Variants in LSAMP observed in about 807,000 individuals in gnomAD.
LSAMP encodes the protein limbic system associated membrane protein.
Under a neutral mutation model 38.6 loss-of-function variants are expected in LSAMP, and 7 were observed. The ratio of observed to expected loss-of-function variants is 0.18; its 90% CI spans 0.10 to 0.34. LSAMP has a LOEUF of 0.34. LSAMP is among the 10% of genes least tolerant of loss of function. The pLI is 1.00. For synonymous variants in LSAMP, 154 were observed against 166.8 expected (o/e 0.92, Z 0.59); for missense variants, 313 against 420.0 (o/e 0.75, Z 2.23).
chr3:116,396,615 T>A (rs976267298), intron 1 of LSAMP, among the ~76,000 whole-genome samples: 1 of 152,238 alleles, frequency 6.6e-6, no homozygotes, highest in Admixed American at 6.5e-5. Context: ...AGATGGTATT[T>A]TAGAGCTACT....
chr3:115,827,336 CTTTTTT>C (rs10712971), intron 6 of LSAMP, among the ~76,000 whole-genome samples: 3 of 136,856 alleles, frequency 2.2e-5, no homozygotes, highest in Non-Finnish European at 3.2e-5. Flanking sequence ...TTTTCTACTG[CTTTTTT>C]TTTTTTTTTT....
chr3:115,984,966 C>G (rs1939467531), intron 3 of LSAMP, among the ~76,000 whole-genome samples: 1 of 152,094 alleles, frequency 6.6e-6, no homozygotes, highest in African/African-American at 2.4e-5. Context: ...GTATGGGGAA[C>G]AGCTGGAAAT....
At chr3:116,095,766 G>C (rs540115844) in intron 1 of LSAMP, among the ~76,000 whole-genome samples, 1 of 152,316 alleles carries the variant, frequency 6.6e-6, no homozygotes, top group South Asian at 2.1e-4. Flanking sequence ...ATCTTTCCAA[G>C]AGTCTGGATC....
intron 1 of LSAMP, among the ~76,000 whole-genome samples, chr3:116,314,322 A>C (rs1195859599): frequency 6.6e-6 from 1 of 152,226 alleles, no homozygotes; most frequent in East Asian, 1.9e-4. Flanking sequence ...AATTGTTATG[A>C]AGGTGAATCC....
At chr3:116,207,962 G>T (rs1474206825) in intron 1 of LSAMP, among the ~76,000 whole-genome samples, 1 of 148,284 alleles carries the variant, frequency 6.7e-6, no homozygotes, top group African/African-American at 2.5e-5. Context: ...TGCTAGATTG[G>T]GGAAGTTCTC....
intron 3 of LSAMP, among the ~76,000 whole-genome samples, chr3:115,884,910 G>C (rs893314107): frequency 6.6e-6 from 1 of 151,990 alleles, no homozygotes; most frequent in Non-Finnish European, 1.5e-5. Flanking sequence ...TGGAGTGTAA[G>C]GAAGCACTCT....
intron 1 of LSAMP, among the ~76,000 whole-genome samples, chr3:116,442,142 T>G (rs1208890792): frequency 6.6e-6 from 1 of 152,180 alleles, no homozygotes; most frequent in Non-Finnish European, 1.5e-5. Context: ...CTAAAGATCA[T>G]AATTATACAA....
chr3:116,433,014 T>A (rs2049301822), intron 1 of LSAMP, among the ~76,000 whole-genome samples: 6 of 152,216 alleles, frequency 3.9e-5, no homozygotes, highest in Admixed American at 3.9e-4. Context: ...GACAGCGATC[T>A]TTAGTTATCT....
At chr3:115,889,979 T>C (rs1467589294) in intron 3 of LSAMP, among the ~76,000 whole-genome samples, 2 of 151,984 alleles carry the variant, frequency 1.3e-5, no homozygotes, top group Non-Finnish European at 2.9e-5. Flanking sequence ...AACTCTCCCA[T>C]TTGTTATTGT....
chr3:116,039,079 C>T (rs1012918863), intron 2 of LSAMP, among the ~76,000 whole-genome samples: 2 of 152,096 alleles, frequency 1.3e-5, no homozygotes, highest in Non-Finnish European at 2.9e-5. Flanking sequence ...TTCAGAGAAC[C>T]ACAGGCATAG....
intron 3 of LSAMP, among the ~76,000 whole-genome samples, chr3:115,976,911 A>C (rs1939205347): frequency 6.6e-6 from 1 of 152,132 alleles, no homozygotes; most frequent in South Asian, 2.1e-4. Flanking sequence ...TTCTTTATAA[A>C]CTACCTACTC....
intron 1 of LSAMP, among the ~76,000 whole-genome samples, chr3:116,321,753 T>C (rs1046693180): frequency 2.0e-5 from 3 of 152,202 alleles, no homozygotes; most frequent in Non-Finnish European, 4.4e-5. Context: ...GAAAATAGCT[T>C]CTAGAACTGT....
chr3:116,437,716 G>A lies in LSAMP; in HGVS notation c.155+7161C>T, dbSNP rs570586662. The stretch of plus-strand genomic sequence containing the variant: ...AGGAGAGGAAGGAAGAGGAGAGAAA[G>A]ACAATTTTAAGGATACATTTATGTA... On this transcript the variant is annotated intron_variant, in intron 1 of 6. Coordinates refer to ENST00000490035, the MANE Select transcript of LSAMP (RefSeq NM_002338.5). Among the ~76,000 whole-genome samples, 6 of 151,656 alleles carry A rather than the reference G, an allele frequency of 4.0e-5. No individual in the cohort carries two copies. In the East Asian group the frequency reaches 9.7e-4, roughly 25 times the overall value.
chr3:116,424,950 C>T (rs904935221), intron 1 of LSAMP, among the ~76,000 whole-genome samples: 4 of 150,770 alleles, frequency 2.7e-5, no homozygotes. Flanking sequence ...ATCTGCATTA[C>T]TCTTAAAAAT....
At chr3:116,223,992 C>G (rs1413338592) in intron 1 of LSAMP, among the ~76,000 whole-genome samples, 2 of 152,000 alleles carry the variant, frequency 1.3e-5, no homozygotes, top group Admixed American at 1.3e-4. Flanking sequence ...TCCCCTCAGT[C>G]TCTTTCTAAT....
chr3:116,408,052 C>T (rs2048921288), intron 1 of LSAMP, among the ~76,000 whole-genome samples: 1 of 151,890 alleles, frequency 6.6e-6, no homozygotes, highest in Non-Finnish European at 1.5e-5. Context: ...CATAATACTT[C>T]CAATAAAATA....
chr3:116,004,506 GTGTGTATATATA>G (rs1373154059), intron 3 of LSAMP, among the ~76,000 whole-genome samples: 2 of 137,522 alleles, frequency 1.5e-5, no homozygotes, highest in Non-Finnish European at 3.1e-5. Context: ...CCAAATGTGT[GTGTGTATATATA>G]TGTGTATATA....
At position 115,842,470 on chromosome 3, in the gene LSAMP, C is replaced by T. The variant is rs757254613; in HGVS notation, c.758G>A (p.Arg253Gln). Reference sequence around the variant, plus strand: ...GTTTGGCACATACCTAGTGTCATCCCGGTACCACTCAAAGTCAGGTGCAGG... The same window carrying T: ...GTTTGGCACATACCTAGTGTCATCCTGGTACCACTCAAAGTCAGGTGCAGG... ...AVPAPDFEWY[R>Q]DDTRINSANG... The change falls in exon 5 of 7, where the codon CGG (arginine) becomes CAG (glutamine). Residue 253 changes from arginine to glutamine, a missense_variant. Arg to Gln is a conservative substitution (Grantham distance 43). Transcript: ENST00000490035. 13 of 1,613,702 alleles carry T rather than the reference C, an allele frequency of 8.1e-6. No individual in the cohort carries two copies. The highest frequency in any genetic ancestry group is 1.7e-4 in the Middle Eastern group (1 of 6,052).
At chr3:116,442,139 T>G (rs1222970222) in intron 1 of LSAMP, among the ~76,000 whole-genome samples, 2 of 152,172 alleles carry the variant, frequency 1.3e-5, no homozygotes, top group Admixed American at 1.3e-4. Context: ...ACACTAAAGA[T>G]CATAATTATA....
Sources: gnomAD v4.1 joint callset for allele counts (sites outside exome capture counted in the v4.1 genomes callset) on GRCh38, gnomAD v4.1.1 for gene constraint, MANE v1.5 for transcripts, NCBI Gene and HGNC (gene_info 2026-07-23, HGNC 2026-07-21) for gene names.